Variants in PAPSS2 observed in about 807,000 individuals in gnomAD.
PAPSS2 encodes 3'-phosphoadenosine 5'-phosphosulfate synthase 2.
A neutral mutation model predicts 66.5 loss-of-function variants in PAPSS2; 61 were observed. The observed-to-expected ratio is 0.92, with a 90% confidence interval of 0.75 to 1.14. The LOEUF (loss-of-function observed/expected upper bound fraction) is 1.14, where lower values mean the gene tolerates loss of function less well. Among genes scored for constraint, PAPSS2 ranks in the 50% most tolerant of loss-of-function variants. The pLI is 0.00. For synonymous variants in PAPSS2, 289 were observed against 287.5 expected (o/e 1.01, Z -0.05); for missense variants, 708 against 789.6 (o/e 0.90, Z 1.24).
At chr10:87,684,756 C>A (rs1437956126) in intron 1 of PAPSS2, among the ~76,000 whole-genome samples, 1 of 152,156 alleles carries the variant, frequency 6.6e-6, no homozygotes, top group Non-Finnish European at 1.5e-5. Flanking sequence ...TTATTCCATC[C>A]ATTTTGCTGA....
At chr10:87,714,226 C>G in intron 4 of PAPSS2, 44 bp downstream of exon 4, 1 of 1,590,994 alleles carries the variant, frequency 6.3e-7, no homozygotes, top group Non-Finnish European at 8.6e-7. Flanking sequence ...CATAGGCTGT[C>G]AGTCCTCAGT....
In PAPSS2 at chr10:87,715,670, G is replaced by T. The variant is rs189347626; in HGVS notation, c.754-62G>T. 1.7e-3 allele frequency: 1,741 copies of T among 1,028,766 alleles called. 5 individuals carry two copies. The highest frequency in any genetic ancestry group is 3.5e-3 in the Admixed American group (193 of 55,588). 63.7% of individuals were successfully genotyped at this position (1,028,766 alleles called of 1,614,324 possible). ...TAACTGAATAAGAAAGGACTTCCCT[G>T]GGGCCAGATGCCTGGAAAACAGAAC... On this transcript the variant is annotated intron_variant, in intron 6 of 12. Coordinates refer to ENST00000456849, the MANE Select transcript of PAPSS2 (RefSeq NM_001015880.2).
intron 12 of PAPSS2, 56 bp downstream of exon 12, chr10:87,745,287 G>A (rs1037320697): frequency 2.1e-6 from 3 of 1,409,766 alleles, no homozygotes; most frequent in Non-Finnish European, 2.9e-6. Context: ...AAATGATGAG[G>A]CAGAATTTGG....
At chr10:87,703,852 G>A (rs1347253731) in intron 1 of PAPSS2, 8 of 517,042 alleles carry the variant, frequency 1.5e-5, no homozygotes, top group African/African-American at 1.5e-4. Flanking sequence ...CTGATAAGGG[G>A]CAGAGTTAGA....
At chr10:87,689,438 AGGCAG>A (rs1194680342) in intron 1 of PAPSS2, among the ~76,000 whole-genome samples, 34 of 152,072 alleles carry the variant, frequency 2.2e-4, no homozygotes, top group African/African-American at 8.2e-4. Flanking sequence ...TGGGAGGCCG[AGGCAG>A]GTGGATCACC....
intron 1 of PAPSS2, 22 bp downstream of exon 1, chr10:87,660,030 T>TCCCTC: frequency 6.2e-7 from 1 of 1,607,648 alleles, no homozygotes; most frequent in Non-Finnish European, 8.5e-7. Context: ...GGCGCCGGCT[T>TCCCTC]CCCTCCCCGC....
At position 87,741,224 on chromosome 10, in the gene PAPSS2, G is replaced by C; in HGVS notation, c.1087-11G>C. 1 of 1,613,432 alleles carries C rather than the reference G, an allele frequency of 6.2e-7. No individual in the cohort carries two copies. The highest frequency in any genetic ancestry group is 8.5e-7 in the Non-Finnish European group (1 of 1,179,394). ...ATTAATCATTAGCAATCATAACAAT[G>C]TTCTTTCTAGATGGTGATGGAAAGT... is the stretch of plus-strand genomic sequence containing the variant. On this transcript the variant is annotated splice_polypyrimidine_tract_variant and intron_variant, in intron 9 of 12. Coordinates refer to ENST00000456849, the MANE Select transcript of PAPSS2 (RefSeq NM_001015880.2).
At chr10:87,710,966 C>T (rs1853456501) in intron 2 of PAPSS2, among the ~76,000 whole-genome samples, 1 of 152,164 alleles carries the variant, frequency 6.6e-6, no homozygotes, top group Non-Finnish European at 1.5e-5. Context: ...TCCGCCACTG[C>T]ACTCCAGCCT....
In PAPSS2 at chr10:87,727,354, G is replaced by A. The variant is rs1354779945; in HGVS notation, c.951G>A (p.Gly317=). The change falls in exon 9 of 13, where the codon GGG becomes GGA. Residue 317 remains glycine (G), a synonymous_variant. Coordinates refer to ENST00000456849, the MANE Select transcript of PAPSS2 (RefSeq NM_001015880.2). ...CAGAGGATAAGACACGGCTGGAAGG[G>A]TGCAGCAAGTTTGTCCTGGCACATG... ...VSAEDKTRLE[G]CSKFVLAHGG... 6.2e-7 allele frequency: 1 copy of A among 1,614,074 alleles called. No homozygotes were observed. Among genetic ancestry groups the A allele is most frequent in the South Asian group, 1.1e-5 (1 of 91,072 alleles).
chr10:87,663,086 T>C (rs1255920496), intron 1 of PAPSS2, among the ~76,000 whole-genome samples: 6 of 148,484 alleles, frequency 4.0e-5, no homozygotes, highest in Non-Finnish European at 7.4e-5. Flanking sequence ...AGTATAACAT[T>C]ATTTTTCTAG....
At chr10:87,668,493 T>C (rs1852839615) in intron 1 of PAPSS2, among the ~76,000 whole-genome samples, 1 of 152,230 alleles carries the variant, frequency 6.6e-6, no homozygotes, top group African/African-American at 2.4e-5. Flanking sequence ...ATTGAAGCAC[T>C]CCACCCGCAC....
intron 9 of PAPSS2, among the ~76,000 whole-genome samples, chr10:87,730,165 C>A (rs961609898): frequency 6.6e-6 from 1 of 152,150 alleles, no homozygotes; most frequent in African/African-American, 2.4e-5. Context: ...TTCCCCTTTG[C>A]CCCCTGAAGT....
intron 8 of PAPSS2, 60 bp downstream of exon 8, chr10:87,721,830 G>A: frequency 2.0e-6 from 2 of 982,304 alleles, no homozygotes. Context: ...TAAATTAACT[G>A]GAAATGGTTA....
chr10:87,677,972 G>T (rs1852969749), intron 1 of PAPSS2, among the ~76,000 whole-genome samples: 1 of 152,044 alleles, frequency 6.6e-6, no homozygotes, highest in South Asian at 2.1e-4. Flanking sequence ...TAAAGAAAAG[G>T]TTTGATGGAG....
chr10:87,697,083 G>T (rs1447755292), intron 1 of PAPSS2, among the ~76,000 whole-genome samples: 1 of 152,086 alleles, frequency 6.6e-6, no homozygotes, highest in East Asian at 1.9e-4. Flanking sequence ...GTCTCCTTAG[G>T]TTCCTCTTGG....
At chr10:87,743,692 C>T (rs776485171) in intron 11 of PAPSS2, 51 bp downstream of exon 11, 2 of 1,601,640 alleles carry the variant, frequency 1.2e-6, no homozygotes, top group South Asian at 1.1e-5. Flanking sequence ...CAGACTCAGA[C>T]TTTACATAGA....
intron 1 of PAPSS2, among the ~76,000 whole-genome samples, chr10:87,690,607 C>T (rs1853160875): frequency 6.6e-6 from 1 of 152,072 alleles, no homozygotes; most frequent in African/African-American, 2.4e-5. Flanking sequence ...CCAGAGAGAA[C>T]AGGGATATCT....
chr10:87,745,651 A>G (rs1853928514), intron 12 of PAPSS2, among the ~76,000 whole-genome samples, 181 bp from the exon 13 acceptor site: 1 of 152,232 alleles, frequency 6.6e-6, no homozygotes, highest in South Asian at 2.1e-4. Flanking sequence ...TACTAAATGG[A>G]TAGCTGCCAT....
At chr10:87,682,847 C>T (rs1409583722) in intron 1 of PAPSS2, among the ~76,000 whole-genome samples, 1 of 152,070 alleles carries the variant, frequency 6.6e-6, no homozygotes, top group African/African-American at 2.4e-5. Flanking sequence ...CAAGGCAGAG[C>T]AGGCCAGTAA....
Sources: gnomAD v4.1 joint callset for allele counts (sites outside exome capture counted in the v4.1 genomes callset) on GRCh38, gnomAD v4.1.1 for gene constraint, MANE v1.5 for transcripts, NCBI Gene and HGNC (gene_info 2026-07-23, HGNC 2026-07-21) for gene names.